RYR3: variants seen among roughly 807,000 people sequenced by gnomAD.
The protein encoded by RYR3 is brain ryanodine receptor-calcium release channel.
A neutral mutation model predicts 584.3 loss-of-function variants in RYR3; 207 were observed. That is an observed-to-expected ratio of 0.35 (90% CI 0.32 to 0.40). The LOEUF is 0.40. Among genes scored for constraint, RYR3 ranks in the 10% least tolerant of loss-of-function variants. The pLI, the probability that RYR3 is intolerant of heterozygous loss-of-function variation, is 1.00. For missense variants in RYR3, 5,616 were observed against 6,089.2 expected (o/e 0.92, Z 2.59); for synonymous variants, 2,416 against 2,248.5 (o/e 1.07, Z -2.11).
At position 33,810,540 on chromosome 15, in the gene RYR3, A is replaced by G; in HGVS notation, c.10088A>G (p.Gln3363Arg). 6.2e-7 allele frequency: 1 copy of G among 1,614,046 alleles called. No homozygotes were observed. Among genetic ancestry groups the G allele is most frequent in the Non-Finnish European group, 8.5e-7 (1 of 1,179,896 alleles). The change falls in exon 71 of 104, where the codon CAG becomes CGG. Residue 3363 changes from glutamine (Q) to arginine (R), a missense_variant. Physicochemically the swap from Gln to Arg is conservative, Grantham distance 43. Coordinates refer to ENST00000634891, the MANE Select transcript of RYR3 (RefSeq NM_001036.6). ...TKRRGDLYSI[Q>R]TSLIVAALKK... Reference sequence around the variant, plus strand: ...CGGCGGGGAGACTTGTATTCCATCCAGACCTCCCTCATCGTGGCTGCACTC... The same window carrying G: ...CGGCGGGGAGACTTGTATTCCATCCGGACCTCCCTCATCGTGGCTGCACTC...
At position 33,755,163 on chromosome 15, in the gene RYR3, A is replaced by G; in HGVS notation, c.8498A>G (p.Glu2833Gly). Residue 2833 changes from glutamate (E) to glycine (G), a missense_variant, in exon 58 of 104, where the codon GAA becomes GGA. Around this residue, in one of 9 missense-constraint regions of RYR3, gnomAD observed 1,280 missense variants for 1,426.2 expected, o/e 0.90. Coordinates refer to ENST00000634891, the MANE Select transcript of RYR3 (RefSeq NM_001036.6). Reference sequence around the variant, plus strand: ...CTGAAATACGTTGATTCTGCTCAAGAATTTATTGCCCATTTAGGTAAGTAT... The same window carrying G: ...CTGAAATACGTTGATTCTGCTCAAGGATTTATTGCCCATTTAGGTAAGTAT... Reference protein sequence around the residue: ...KILKYVDSAQEFIAHLEAIVS... With the variant: ...KILKYVDSAQGFIAHLEAIVS... The G allele has an allele frequency of 6.2e-7, 1 of 1,603,682 alleles. No individual in the cohort carries two copies. The highest frequency in any genetic ancestry group is 8.5e-7 in the Non-Finnish European group (1 of 1,171,592).
At chr15:33,459,157 A>AT (rs569706329) in intron 1 of RYR3, among the ~76,000 whole-genome samples, 6 of 152,134 alleles carry the variant, frequency 3.9e-5, no homozygotes, top group Non-Finnish European at 7.3e-5. Context: ...GCATCAATAT[A>AT]TTTTTACAGG....
intron 48 of RYR3, among the ~76,000 whole-genome samples, chr15:33,734,355 C>T (rs568494337): frequency 3.4e-4 from 52 of 152,332 alleles, no homozygotes; most frequent in South Asian, 1.5e-3. Flanking sequence ...CACTTTGCCG[C>T]TTCAAAAGGA....
Position 33,810,641 on chromosome 15 carries a change from T to C in RYR3, c.10189T>C (p.Tyr3397His). ...GCTGATCTCCCTCGCAAAATCGCGA[T>C]ACAGCCATGTAAGCTGCCCGTCTGC... is the stretch of plus-strand genomic sequence containing the variant. ...QELISLAKSRYSHRDTDEEVR... is the reference protein window; with the variant it reads ...QELISLAKSRHSHRDTDEEVR... The change falls in exon 71 of 104, where the codon TAC becomes CAC. Residue 3397 changes from tyrosine (Y) to histidine (H), a missense_variant. This residue lies in a region of RYR3 where 954 missense variants were observed against 1,132.2 expected (regional missense o/e 0.84). Coordinates refer to ENST00000634891, the MANE Select transcript of RYR3 (RefSeq NM_001036.6). 1 of 1,614,010 alleles carries C rather than the reference T, an allele frequency of 6.2e-7. No individual in the cohort carries two copies. Among genetic ancestry groups the C allele is most frequent in the Non-Finnish European group, 8.5e-7 (1 of 1,179,884 alleles).
chr15:33,344,970 A>G (rs935157008), intron 1 of RYR3, among the ~76,000 whole-genome samples: 3 of 152,218 alleles, frequency 2.0e-5, no homozygotes, highest in African/African-American at 7.2e-5. Context: ...CACATTTTGC[A>G]GGTAGGAAGG....
intron 27 of RYR3, among the ~76,000 whole-genome samples, chr15:33,640,106 G>C (rs1285550329): frequency 1.3e-5 from 2 of 152,192 alleles, no homozygotes; most frequent in Non-Finnish European, 2.9e-5. Context: ...CTGCCAGGCT[G>C]TTCCTGCCCA....
intron 64 of RYR3, among the ~76,000 whole-genome samples, chr15:33,779,854 AAAAG>A (rs1189557645): frequency 2.1e-5 from 3 of 143,152 alleles, no homozygotes; most frequent in African/African-American, 7.3e-5. Flanking sequence ...AAAAAATAGA[AAAAG>A]AAATTAACCG....
intron 2 of RYR3, among the ~76,000 whole-genome samples, chr15:33,496,608 A>T (rs182749734): frequency 1.1e-4 from 16 of 152,316 alleles, no homozygotes; most frequent in African/African-American, 3.6e-4. Context: ...CAATTAATGA[A>T]ATTTTAAACA....
intron 65 of RYR3, 30 bp downstream of exon 65, chr15:33,780,371 C>A: frequency 1.2e-6 from 2 of 1,610,208 alleles, no homozygotes; most frequent in Non-Finnish European, 8.5e-7. Context: ...GGTCATCAAC[C>A]CATTTCATGT....
chr15:33,312,582 G>C (rs1282133487), intron 1 of RYR3, among the ~76,000 whole-genome samples: 2 of 152,160 alleles, frequency 1.3e-5, no homozygotes, highest in Non-Finnish European at 2.9e-5. Context: ...AAATCCTTTG[G>C]TTGTCCCTCT....
intron 51 of RYR3, among the ~76,000 whole-genome samples, chr15:33,740,333 C>T (rs1246947833): frequency 2.0e-5 from 3 of 152,112 alleles, no homozygotes; most frequent in African/African-American, 4.8e-5. Context: ...TATCTTTGCT[C>T]ATGGTGAATT....
intron 46 of RYR3, among the ~76,000 whole-genome samples, chr15:33,728,521 C>G (rs1014421922): frequency 1.3e-5 from 2 of 152,216 alleles, no homozygotes; most frequent in Non-Finnish European, 2.9e-5. Context: ...ATTGAGTATT[C>G]CTTATCCTAA....
chr15:33,865,003 T>C lies in RYR3; in HGVS notation c.14518-128T>C, dbSNP rs1889991767. On this transcript the variant is annotated intron_variant, in intron 103 of 103. Coordinates refer to ENST00000634891, the MANE Select transcript of RYR3 (RefSeq NM_001036.6). ...GTGCTGGGAATAGAGCAAGAATGAATGTGCAGGTTTGGCCTCATATAAATT... is the reference window on the plus strand; with the variant it reads ...GTGCTGGGAATAGAGCAAGAATGAACGTGCAGGTTTGGCCTCATATAAATT... The C allele has an allele frequency of 6.3e-6, 4 of 638,572 alleles. No homozygotes were observed. The East Asian group carries it at 1.1e-4, about 17-fold the overall frequency. 39.6% of individuals were successfully genotyped at this position (638,572 alleles called of 1,614,324 possible).
intron 12 of RYR3, among the ~76,000 whole-genome samples, chr15:33,579,384 G>T (rs1016726517): frequency 1.8e-4 from 28 of 152,154 alleles, no homozygotes; most frequent in Admixed American, 7.2e-4. Flanking sequence ...TGCAAGAGGA[G>T]AGACAAAATT....
chr15:33,485,247 G>A (rs897170498), intron 2 of RYR3, among the ~76,000 whole-genome samples: 1 of 152,186 alleles, frequency 6.6e-6, no homozygotes, highest in African/African-American at 2.4e-5. Context: ...TCAATGGCAT[G>A]TGGTGAGGAC....
intron 2 of RYR3, among the ~76,000 whole-genome samples, chr15:33,488,635 A>T (rs142396058): frequency 2.6e-5 from 4 of 152,052 alleles, no homozygotes; most frequent in Non-Finnish European, 4.4e-5. Flanking sequence ...GGCAGATCAC[A>T]AGGTCAGGAG....
At chr15:33,365,687 T>C (rs1042712288) in intron 1 of RYR3, among the ~76,000 whole-genome samples, 3 of 152,202 alleles carry the variant, frequency 2.0e-5, no homozygotes, top group Admixed American at 2.0e-4. Context: ...GAGCTCATGT[T>C]AAATATTCTT....
chr15:33,852,932 C>G, intron 94 of RYR3, 113 bp from the exon 95 acceptor site: 1 of 866,930 alleles, frequency 1.2e-6, no homozygotes, highest in Non-Finnish European at 1.9e-6. Flanking sequence ...CTTTGGTGAG[C>G]AGGACACAAA....
At chr15:33,439,846 CATT>C (rs2046067436) in intron 1 of RYR3, among the ~76,000 whole-genome samples, 1 of 152,184 alleles carries the variant, frequency 6.6e-6, no homozygotes, top group East Asian at 1.9e-4. Context: ...TATTATCTAT[CATT>C]AGTCCTTTTT....
Sources: gnomAD v4.1 joint callset for allele counts (sites outside exome capture counted in the v4.1 genomes callset) on GRCh38, gnomAD v4.1.1 for gene constraint, gnomAD v4.1.1 regional missense constraint, MANE v1.5 for transcripts, NCBI Gene and HGNC (gene_info 2026-07-23, HGNC 2026-07-21) for gene names.